MARK3: variants seen among roughly 807,000 people sequenced by gnomAD.
MARK3 encodes MAP/microtubule affinity-regulating kinase 3.
MARK3 carries 46 observed loss-of-function variants against 90.1 expected under a neutral mutation model. The observed-to-expected ratio is 0.51, with a 90% CI of 0.40 to 0.65. The LOEUF is 0.65. Ranked by LOEUF, MARK3 falls within the 30% of genes least tolerant of loss-of-function variation. MARK3 has a pLI of 0.00. For synonymous variants in MARK3, 321 were observed against 332.6 expected (o/e 0.97, Z 0.38); for missense variants, 818 against 947.2 (o/e 0.86, Z 1.79).
Position 103,466,105 on chromosome 14 carries a change from T to A in MARK3, c.897+14T>A. On this transcript the variant is annotated intron_variant, in intron 9 of 17. Coordinates refer to ENST00000429436, the MANE Select transcript of MARK3 (RefSeq NM_001128918.3). Reference sequence around the variant, plus strand: ...GGCACTCTAGAGGTAATCATGTAGGTGGAAACAAGCAGTAACTTTGGAGAG... The same window carrying A: ...GGCACTCTAGAGGTAATCATGTAGGAGGAAACAAGCAGTAACTTTGGAGAG... 1.9e-6 allele frequency: 3 copies of A among 1,611,950 alleles called. No individual in the cohort carries two copies. Among genetic ancestry groups the A allele is most frequent in the Non-Finnish European group, 2.5e-6 (3 of 1,179,390 alleles).
intron 3 of MARK3, among the ~76,000 whole-genome samples, chr14:103,444,708 C>T (rs919783033): frequency 1.4e-4 from 21 of 151,788 alleles, no homozygotes; most frequent in Admixed American, 5.9e-4. Context: ...ACCTGGGAGG[C>T]GGAGCTTTCA....
intron 2 of MARK3, among the ~76,000 whole-genome samples, chr14:103,423,619 C>T (rs1236243812): frequency 6.6e-6 from 1 of 152,108 alleles, no homozygotes; most frequent in Admixed American, 6.5e-5. Context: ...TTTGGTGACC[C>T]CAAGGTTTCA....
At chr14:103,463,057 T>C (rs1279549226) in intron 7 of MARK3, among the ~76,000 whole-genome samples, 1 of 152,160 alleles carries the variant, frequency 6.6e-6, no homozygotes, top group African/African-American at 2.4e-5. Flanking sequence ...GTGCTCTGTC[T>C]GATGCCTCTT....
At chr14:103,436,566 T>G (rs578203510) in intron 3 of MARK3, among the ~76,000 whole-genome samples, 5 of 152,206 alleles carry the variant, frequency 3.3e-5, no homozygotes, top group Non-Finnish European at 5.9e-5. Context: ...ATAAATCTGA[T>G]AAATTAATAC....
intron 1 of MARK3, among the ~76,000 whole-genome samples, chr14:103,388,513 C>T (rs1350466461): frequency 6.6e-6 from 1 of 152,136 alleles, no homozygotes; most frequent in Admixed American, 6.5e-5. Context: ...TGTTGAGAAC[C>T]TTTTTTCTTA....
intron 2 of MARK3, among the ~76,000 whole-genome samples, chr14:103,419,998 GA>G (rs1302110422): frequency 6.6e-6 from 1 of 151,774 alleles, no homozygotes; most frequent in Non-Finnish European, 1.5e-5. Context: ...TTAAGAAAAA[GA>G]AACAGAAACT....
Position 103,407,615 on chromosome 14 carries a change from C to G in MARK3, c.243+2348C>G, listed in dbSNP as rs531279411. 2.5e-5 allele frequency among the ~76,000 whole-genome samples: 3 copies of G among 118,146 alleles called. No individual in the cohort carries two copies. In the South Asian group the frequency reaches 8.5e-4, roughly 33 times the overall value. The allele number at this position is 118,146 out of a possible 152,430, so 77.5% of individuals were successfully genotyped here. A position where few individuals can be genotyped will look rare whatever the true frequency, so the allele number is the denominator to read the frequency against. On this transcript the variant is annotated intron_variant, in intron 2 of 17. Coordinates refer to ENST00000429436, the MANE Select transcript of MARK3 (RefSeq NM_001128918.3). ...CTAGCTCTGTCGCCAGGCTGGAGTG[C>G]AGTGGTGTGATCTCAGCTCCCTGTA... is the stretch of plus-strand genomic sequence containing the variant.
intron 14 of MARK3, among the ~76,000 whole-genome samples, chr14:103,487,060 G>A (rs2141959908): frequency 6.6e-6 from 1 of 151,786 alleles, no homozygotes; most frequent in East Asian, 2.0e-4. Context: ...AGGATTACAG[G>A]GGCCCGCCAC....
intron 8 of MARK3, 52 bp downstream of exon 8, chr14:103,465,845 T>C: frequency 2.6e-6 from 4 of 1,560,334 alleles, no homozygotes; most frequent in Non-Finnish European, 3.5e-6. Context: ...AGTTTCCTAA[T>C]ATTACATGGC....
At chr14:103,478,384 T>G (rs995294700) in intron 13 of MARK3, among the ~76,000 whole-genome samples, 2 of 142,590 alleles carry the variant, frequency 1.4e-5, no homozygotes, top group Non-Finnish European at 3.1e-5. Flanking sequence ...TCCCCCTCAT[T>G]CCCTGGCAAC....
chr14:103,416,469 A>G (rs1595561878), intron 2 of MARK3, among the ~76,000 whole-genome samples: 1 of 152,182 alleles, frequency 6.6e-6, no homozygotes, highest in South Asian at 2.1e-4. Flanking sequence ...CAGTTCTTCC[A>G]TAGAAATAGG....
chr14:103,410,333 A>C (rs573059370), intron 2 of MARK3, among the ~76,000 whole-genome samples: 5 of 152,268 alleles, frequency 3.3e-5, no homozygotes, highest in South Asian at 2.1e-4. Flanking sequence ...AGCCCTTGCA[A>C]TCTGATTGCC....
chr14:103,405,886 C>T (rs751544439), intron 2 of MARK3, among the ~76,000 whole-genome samples: 3 of 151,714 alleles, frequency 2.0e-5, no homozygotes, highest in Admixed American at 2.0e-4. Context: ...CATGAGCCAC[C>T]GTGCCCAACC....
At chr14:103,472,088 A>G (rs897127521) in intron 12 of MARK3, among the ~76,000 whole-genome samples, 1 of 151,492 alleles carries the variant, frequency 6.6e-6, no homozygotes, top group Non-Finnish European at 1.5e-5. Context: ...GTGGGCACCT[A>G]TAGTCCCAGC....
In MARK3 at chr14:103,385,741, G is replaced by T; in HGVS notation, c.-289G>T. 1 of 341,924 alleles carries T rather than the reference G, an allele frequency of 2.9e-6. No homozygotes were observed. Among genetic ancestry groups the T allele is most frequent in the East Asian group, 4.8e-5 (1 of 20,624 alleles). 21.2% of individuals were successfully genotyped at this position (341,924 alleles called of 1,614,324 possible). Reference sequence around the variant, plus strand: ...GCGGGGCGCCCTGAGGCAAGGGGACGCCGGCGGGCCGAAGCGCAGCCCGCC... The same window carrying T: ...GCGGGGCGCCCTGAGGCAAGGGGACTCCGGCGGGCCGAAGCGCAGCCCGCC... On this transcript the variant is annotated 5_prime_UTR_variant, in exon 1 of 18. Transcript: ENST00000429436.
chr14:103,502,886 A>G lies in MARK3; in HGVS notation c.1921A>G (p.Asn641Asp), dbSNP rs1419310008. 1 of 1,606,166 alleles carries G rather than the reference A, an allele frequency of 6.2e-7. No individual in the cohort carries two copies. The highest frequency in any genetic ancestry group is 1.3e-5 in the African/African-American group (1 of 74,636). ...ACCTGCCTCTATGCATTTCAGTCGC[A>G]ATGTATCTGCTGAGCAAAAAGATGA... The part of the protein sequence containing the change: ...RNGRYEGSSR[N>D]VSAEQKDENK... The change falls in exon 18 of 18, where the codon AAT becomes GAT. Residue 641 changes from asparagine to aspartate, a missense_variant. This residue lies in a region of MARK3 where 560 missense variants were observed against 613.5 expected (regional missense o/e 0.91). Coordinates refer to ENST00000429436, the MANE Select transcript of MARK3 (RefSeq NM_001128918.3).
rs532241861 is a variant in MARK3, at chr14:103,412,257, T to C, written c.243+6990T>C. On this transcript the variant is annotated intron_variant, in intron 2 of 17. Transcript: ENST00000429436. ...TGCACAAGCTCATCGTCTGTCATCT[T>C]CACGTGGCCAACAGCCACAGCCAAA... 13 of 717,480 alleles carry C rather than the reference T, an allele frequency of 1.8e-5. No homozygotes were observed. In the South Asian group the frequency reaches 2.1e-4, roughly 12 times the overall value. The allele number at this position is 717,480 out of a possible 1,614,324, so 44.4% of individuals were successfully genotyped here.
chr14:103,469,465 A>G (rs2093583743), intron 12 of MARK3, among the ~76,000 whole-genome samples: 1 of 151,196 alleles, frequency 6.6e-6, no homozygotes, highest in Non-Finnish European at 1.5e-5. Flanking sequence ...TACAGGTGTG[A>G]GCCACCGCGC....
chr14:103,482,501 A>G (rs75066681), intron 14 of MARK3, among the ~76,000 whole-genome samples: 14 of 147,398 alleles, frequency 9.5e-5, no homozygotes, highest in Non-Finnish European at 2.1e-4. Context: ...AGCCTGGACA[A>G]CAGAGCAAGA....
Sources: gnomAD v4.1 joint callset for allele counts (sites outside exome capture counted in the v4.1 genomes callset) on GRCh38, gnomAD v4.1.1 for gene constraint, gnomAD v4.1.1 regional missense constraint, MANE v1.5 for transcripts, NCBI Gene and HGNC (gene_info 2026-07-23, HGNC 2026-07-21) for gene names.